ANKRD18B: variants seen among roughly 807,000 people sequenced by gnomAD.
ANKRD18B encodes ankyrin repeat domain-containing protein 18B.
ANKRD18B carries 75 observed loss-of-function variants against 111.8 expected under a neutral mutation model. The observed-to-expected ratio is 0.67, with a 90% confidence interval of 0.56 to 0.81. The LOEUF is 0.81. ANKRD18B is among the 40% of genes least tolerant of loss of function. The pLI is 0.00. For missense variants in ANKRD18B, 1,038 were observed against 1,225.5 expected (o/e 0.85, Z 2.28); for synonymous variants, 356 against 417.3 (o/e 0.85, Z 1.79).
intron 6 of ANKRD18B, among the ~76,000 whole-genome samples, chr9:33,537,479 A>G (rs556495910): frequency 6.6e-6 from 1 of 152,276 alleles, no homozygotes; most frequent in Admixed American, 6.5e-5. Flanking sequence ...TTACCTACTT[A>G]TGATCCCTGA....
downstream of ANKRD18B, among the ~76,000 whole-genome samples, chr9:33,573,825 G>A (rs1419168387): frequency 2.1e-5 from 3 of 145,244 alleles, 1 homozygote; most frequent in Non-Finnish European, 3.1e-5. Flanking sequence ...GACCTGATCA[G>A]CAGGGACCTG....
chr9:33,569,297 C>T (rs1271178989), intron 17 of ANKRD18B, among the ~76,000 whole-genome samples: 1 of 129,990 alleles, frequency 7.7e-6, no homozygotes, highest in Non-Finnish European at 1.6e-5. Flanking sequence ...TGGAGTCTCA[C>T]TCTGTTGCCT....
intron 9 of ANKRD18B, 30 bp from the exon 10 acceptor site, chr9:33,543,155 T>C: frequency 6.6e-7 from 1 of 1,524,902 alleles, no homozygotes; most frequent in Non-Finnish European, 8.9e-7. Flanking sequence ...AAGTCATTCA[T>C]TTTAACTAAA....
At chr9:33,532,454 A>G (rs1828131704) in intron 3 of ANKRD18B, among the ~76,000 whole-genome samples, 1 of 152,260 alleles carries the variant, frequency 6.6e-6, no homozygotes, top group South Asian at 2.1e-4. Flanking sequence ...CAGGATTATC[A>G]TTATAATTGA....
downstream of ANKRD18B, chr9:33,573,320 G>A (rs1219213010): frequency 4.1e-6 from 4 of 983,280 alleles, no homozygotes; most frequent in Non-Finnish European, 3.6e-6. Flanking sequence ...CCTTCTAGCT[G>A]TCTGGGGACA....
chr9:33,550,614 T>G (rs1157062256), intron 12 of ANKRD18B, 35 bp downstream of exon 12: 19 of 1,475,220 alleles, frequency 1.3e-5, no homozygotes, highest in Middle Eastern at 1.8e-4. Context: ...ACAGTTAATC[T>G]GTAGCTGGTT....
chr9:33,531,440 T>C (rs1396352627), intron 3 of ANKRD18B, among the ~76,000 whole-genome samples: 1 of 152,086 alleles, frequency 6.6e-6, no homozygotes, highest in East Asian at 1.9e-4. Context: ...TTTGCCTCTT[T>C]GAATTGAGTC....
intron 3 of ANKRD18B, among the ~76,000 whole-genome samples, chr9:33,531,190 C>T (rs1828110210): frequency 1.3e-5 from 2 of 152,258 alleles, no homozygotes; most frequent in Admixed American, 6.5e-5. Flanking sequence ...AAATTATATA[C>T]ACATAGATTG....
intron 12 of ANKRD18B, among the ~76,000 whole-genome samples, chr9:33,552,458 T>C (rs2118077568): frequency 6.6e-6 from 1 of 152,306 alleles, no homozygotes; most frequent in South Asian, 2.1e-4. Flanking sequence ...GGGAATTGAT[T>C]CAGAAGACTT....
At chr9:33,569,505 C>G (rs1411376036) in intron 17 of ANKRD18B, among the ~76,000 whole-genome samples, 3 of 152,012 alleles carry the variant, frequency 2.0e-5, no homozygotes, top group Non-Finnish European at 4.4e-5. Flanking sequence ...TGTTATCCAC[C>G]CACAACAGCC....
At position 33,543,169 on chromosome 9, in the gene ANKRD18B, A is replaced by T. The variant is rs1191667686; in HGVS notation, c.1079-16A>T. 22 of 1,544,188 alleles carry T rather than the reference A, an allele frequency of 1.4e-5. No homozygotes were observed. The highest frequency in any genetic ancestry group is 1.8e-5 in the Non-Finnish European group (21 of 1,142,226). The stretch of plus-strand genomic sequence containing the variant: ...TAAGTCATTCATTTTAACTAAACAT[A>T]TGGATTTGTCAGCAGAACACAACTT... On this transcript the variant is annotated splice_polypyrimidine_tract_variant and intron_variant, in intron 9 of 18. Transcript: ENST00000684830.
At chr9:33,533,300 G>A (rs1828143361) in intron 3 of ANKRD18B, 139 bp from the exon 4 acceptor site, 1 of 1,435,274 alleles carries the variant, frequency 7.0e-7, no homozygotes, top group Non-Finnish European at 9.1e-7. Flanking sequence ...GCACAGAGGA[G>A]TGAAAGGGAC....
chr9:33,549,879 T>G (rs1289698934), intron 11 of ANKRD18B, among the ~76,000 whole-genome samples: 1 of 152,196 alleles, frequency 6.6e-6, no homozygotes, highest in Non-Finnish European at 1.5e-5. Flanking sequence ...ACATTTTAAG[T>G]CTCAATGACT....
In ANKRD18B at chr9:33,528,850, T is replaced by C; in HGVS notation, c.321+9T>C. On this transcript the variant is annotated intron_variant, in intron 2 of 18. Transcript: ENST00000684830. ...GGACACCTTTAATGAAGGTATATAG[T>C]AGCCAACTCAGCATGAAATGGATTT... 6.3e-7 allele frequency: 1 copy of C among 1,595,130 alleles called. No homozygotes were observed.
chr9:33,548,627 A>G lies in ANKRD18B; in HGVS notation c.1839A>G (p.Ser613=), dbSNP rs1423852139. The G allele has an allele frequency of 2.6e-6, 4 of 1,551,344 alleles. No homozygotes were observed. The highest frequency in any genetic ancestry group is 1.4e-5 in the African/African-American group (1 of 73,030). Residue 613 remains serine, a synonymous_variant, in exon 11 of 19, where the codon TCA becomes TCG. Coordinates refer to ENST00000684830, the MANE Select transcript of ANKRD18B (RefSeq NM_001393611.1). ...AATCCATTGGAAAGCAGAACTCTTC[A>G]GAGGAGAGAATACGTCAACGAGAAC... ...ESQSIGKQNS[S]EERIRQRELE...
chr9:33,573,450 G>C (rs1023951866), downstream of ANKRD18B, among the ~76,000 whole-genome samples: 2 of 140,634 alleles, frequency 1.4e-5, no homozygotes, highest in African/African-American at 5.1e-5. Flanking sequence ...AGCAGCACAG[G>C]GTGTCTTGTC....
intron 7 of ANKRD18B, among the ~76,000 whole-genome samples, chr9:33,539,724 G>A (rs1319804294): frequency 1.3e-5 from 2 of 152,130 alleles, no homozygotes; most frequent in Non-Finnish European, 2.9e-5. Context: ...GTATAGAAAT[G>A]AGTAGATCTT....
intron 14 of ANKRD18B, among the ~76,000 whole-genome samples, chr9:33,564,341 C>T (rs1821115884): frequency 6.6e-6 from 1 of 152,228 alleles, no homozygotes; most frequent in Non-Finnish European, 1.5e-5. Flanking sequence ...ACATAATATC[C>T]TCCAGACTGA....
Position 33,548,289 on chromosome 9 carries a change from A to G in ANKRD18B, c.1501A>G (p.Ile501Val). The G allele has an allele frequency of 6.4e-7, 1 of 1,550,940 alleles. No homozygotes were observed. Among genetic ancestry groups the G allele is most frequent in the Non-Finnish European group, 8.7e-7 (1 of 1,146,620 alleles). ...CCTCCATTCTAACTTGGCCACTGCTATAAATGAGTACAATGAAATTTTGGA... is the reference window on the plus strand; with the variant it reads ...CCTCCATTCTAACTTGGCCACTGCTGTAAATGAGTACAATGAAATTTTGGA... ...ESLHSNLATAINEYNEILERK... is the reference protein window; with the variant it reads ...ESLHSNLATAVNEYNEILERK... Residue 501 changes from isoleucine (I) to valine (V), a missense_variant, in exon 11 of 19, where the codon ATA becomes GTA. By Grantham distance (29) the Ile-to-Val change is conservative. Around this residue, in one of 4 missense-constraint regions of ANKRD18B, gnomAD observed 205 missense variants for 201.3 expected, o/e 1.02. Transcript: ENST00000684830.
Sources: gnomAD v4.1 joint callset for allele counts (sites outside exome capture counted in the v4.1 genomes callset) on GRCh38, gnomAD v4.1.1 for gene constraint, gnomAD v4.1.1 regional missense constraint, MANE v1.5 for transcripts, NCBI Gene and HGNC (gene_info 2026-07-23, HGNC 2026-07-21) for gene names.